Variants in ZNF385D observed in about 807,000 individuals in gnomAD.
ZNF385D encodes the protein zinc finger protein 659.
In ZNF385D, 15 loss-of-function variants were observed where a neutral mutation model predicts 35.8. That is an observed-to-expected ratio of 0.42 (90% CI 0.28 to 0.64). ZNF385D has a LOEUF of 0.64. ZNF385D is among the 30% of genes least tolerant of loss of function. The pLI is 0.23. For synonymous variants in ZNF385D, 212 were observed against 186.8 expected (o/e 1.13, Z -1.10); for missense variants, 474 against 494.6 (o/e 0.96, Z 0.39).
At chr3:22,077,777 A>G (rs1220608222) in intron 3 of ZNF385D, among the ~76,000 whole-genome samples, 1 of 152,000 alleles carries the variant, frequency 6.6e-6, no homozygotes, top group Non-Finnish European at 1.5e-5. Flanking sequence ...ACAACAAAAG[A>G]AATGGGAGAA....
At chr3:21,822,223 C>T (rs974842100) in intron 3 of ZNF385D, among the ~76,000 whole-genome samples, 10 of 151,916 alleles carry the variant, frequency 6.6e-5, no homozygotes, top group African/African-American at 2.4e-4. Flanking sequence ...AGGCAGCCAC[C>T]ACCACGCCTG....
chr3:22,098,898 A>G (rs1701775183), intron 3 of ZNF385D, among the ~76,000 whole-genome samples: 1 of 152,110 alleles, frequency 6.6e-6, no homozygotes, highest in Admixed American at 6.6e-5. Context: ...AAAAAATGGC[A>G]TTATTTATCA....
intron 5 of ZNF385D, among the ~76,000 whole-genome samples, chr3:21,435,321 G>A (rs1360301046): frequency 4.8e-5 from 7 of 145,572 alleles, no homozygotes; most frequent in Admixed American, 2.8e-4. Flanking sequence ...GCAGTGGCGC[G>A]ATCATGGCTC....
intron 3 of ZNF385D, among the ~76,000 whole-genome samples, chr3:21,531,789 T>G (rs568763020): frequency 6.6e-6 from 1 of 152,298 alleles, no homozygotes; most frequent in African/African-American, 2.4e-5. Flanking sequence ...TCTAAGGCAA[T>G]GAAGCTATTC....
intron 5 of ZNF385D, among the ~76,000 whole-genome samples, chr3:21,431,609 A>G (rs1359936486): frequency 2.0e-5 from 3 of 152,168 alleles, no homozygotes; most frequent in Non-Finnish European, 4.4e-5. Context: ...GTACAGCTCC[A>G]ATATTCAAAT....
At chr3:21,962,637 T>C (rs1702659524) in intron 3 of ZNF385D, among the ~76,000 whole-genome samples, 3 of 152,230 alleles carry the variant, frequency 2.0e-5, no homozygotes, top group African/African-American at 7.2e-5. Flanking sequence ...AAGGGAAATG[T>C]GGTCAATATT....
At chr3:21,583,751 A>G (rs1174878135) in intron 2 of ZNF385D, among the ~76,000 whole-genome samples, 1 of 151,128 alleles carries the variant, frequency 6.6e-6, no homozygotes, top group Non-Finnish European at 1.5e-5. Context: ...TATTCATTCA[A>G]TATAAATATT....
chr3:21,570,381 G>GT (rs1418927004), intron 2 of ZNF385D, among the ~76,000 whole-genome samples: 1 of 152,100 alleles, frequency 6.6e-6, no homozygotes, highest in Non-Finnish European at 1.5e-5. Context: ...GCAGCTCAAG[G>GT]TTCCCTTCTC....
intron 3 of ZNF385D, among the ~76,000 whole-genome samples, chr3:22,036,882 G>A (rs1234284728): frequency 8.8e-6 from 1 of 114,084 alleles, no homozygotes; most frequent in African/African-American, 3.5e-5. Flanking sequence ...CCCACAACAG[G>A]CCCCAGTGTG....
intron 3 of ZNF385D, among the ~76,000 whole-genome samples, chr3:21,543,758 G>A (rs1018216430): frequency 6.6e-6 from 1 of 152,126 alleles, no homozygotes; most frequent in African/African-American, 2.4e-5. Flanking sequence ...CTTTCTAGAA[G>A]ATGTTGTATT....
intron 4 of ZNF385D, among the ~76,000 whole-genome samples, chr3:21,502,293 T>G (rs1189832097): frequency 6.6e-6 from 1 of 152,110 alleles, no homozygotes; most frequent in Non-Finnish European, 1.5e-5. Context: ...CTTTCGAGGG[T>G]CCATTTATTT....
intron 2 of ZNF385D, among the ~76,000 whole-genome samples, chr3:21,613,187 G>A (rs1382040271): frequency 2.0e-5 from 3 of 151,772 alleles, no homozygotes; most frequent in South Asian, 2.1e-4. Context: ...ACTTATACAG[G>A]AAAGTAACGG....
At chr3:22,060,631 C>T (rs935852806) in intron 3 of ZNF385D, among the ~76,000 whole-genome samples, 1 of 152,010 alleles carries the variant, frequency 6.6e-6, no homozygotes, top group African/African-American at 2.4e-5. Flanking sequence ...TTTTAGATCT[C>T]ACTTAAAATA....
chr3:21,747,135 C>T (rs2069814551), intron 1 of ZNF385D, among the ~76,000 whole-genome samples: 1 of 148,880 alleles, frequency 6.7e-6, no homozygotes, highest in Non-Finnish European at 1.5e-5. Flanking sequence ...AAATGTTTTT[C>T]CTATTTTCCT....
At chr3:22,029,008 C>T (rs1441786981) in intron 3 of ZNF385D, among the ~76,000 whole-genome samples, 3 of 152,134 alleles carry the variant, frequency 2.0e-5, no homozygotes, top group Non-Finnish European at 2.9e-5. Flanking sequence ...TGGCACCACT[C>T]ACCATCATCC....
intron 2 of ZNF385D, among the ~76,000 whole-genome samples, chr3:22,337,402 C>T (rs753008991): frequency 1.4e-4 from 22 of 151,978 alleles, no homozygotes; most frequent in African/African-American, 4.3e-4. Flanking sequence ...GGCGTGGTGG[C>T]GCATGCCTAT....
intron 3 of ZNF385D, among the ~76,000 whole-genome samples, chr3:21,756,434 G>A (rs1247244336): frequency 1.3e-5 from 2 of 152,088 alleles, no homozygotes; most frequent in African/African-American, 2.4e-5. Context: ...GTAGGGGCAT[G>A]TCTGGTTTGT....
chr3:22,283,681 C>T (rs1000182264), intron 2 of ZNF385D, among the ~76,000 whole-genome samples: 4 of 152,128 alleles, frequency 2.6e-5, no homozygotes, highest in Non-Finnish European at 4.4e-5. Context: ...ATAGTAACTC[C>T]TATCTCAGAA....
intron 3 of ZNF385D, among the ~76,000 whole-genome samples, chr3:22,091,867 T>TTATA (rs1701350002): frequency 6.6e-6 from 1 of 152,220 alleles, no homozygotes; most frequent in East Asian, 1.9e-4. Context: ...GTGGTTAACT[T>TTATA]TACAACTTGG....
Sources: gnomAD v4.1 joint callset for allele counts (sites outside exome capture counted in the v4.1 genomes callset) on GRCh38, gnomAD v4.1.1 for gene constraint, MANE v1.5 for transcripts, NCBI Gene and HGNC (gene_info 2026-07-23, HGNC 2026-07-21) for gene names.